Variants in NAV2 observed in about 807,000 individuals in gnomAD.
NAV2 encodes the protein neuron navigator 2.
Under a neutral mutation model 223.2 loss-of-function variants are expected in NAV2, and 54 were observed. The ratio of observed to expected loss-of-function variants is 0.24; its 90% CI spans 0.19 to 0.30. NAV2 has a LOEUF of 0.30. NAV2 is among the 10% of genes least tolerant of loss of function. The pLI, the probability that NAV2 is intolerant of heterozygous loss-of-function variation, is 1.00. For synonymous variants in NAV2, 1,279 were observed against 1,239.3 expected, an observed-to-expected ratio of 1.03 and a Z score of -0.67; for missense variants, 2,806 against 3,147.5, an observed-to-expected ratio of 0.89 and a Z score of 2.60.
intron 2 of NAV2, among the ~76,000 whole-genome samples, chr11:19,835,304 C>A (rs904604929): frequency 6.6e-6 from 1 of 152,210 alleles, no homozygotes; most frequent in Admixed American, 6.5e-5. Context: ...AACACAGGAT[C>A]GCTTTGTCCA....
At chr11:19,974,345 T>C (rs942709372) in intron 10 of NAV2, among the ~76,000 whole-genome samples, 1 of 152,216 alleles carries the variant, frequency 6.6e-6, no homozygotes, top group Non-Finnish European at 1.5e-5. Flanking sequence ...AATTATATTC[T>C]GTGATACTGT....
intron 1 of NAV2, among the ~76,000 whole-genome samples, chr11:19,417,258 C>T (rs1850411022): frequency 6.6e-6 from 1 of 151,892 alleles, no homozygotes; most frequent in African/African-American, 2.4e-5. Context: ...CAGAAAAAAA[C>T]ACAACCCCAT....
In NAV2 at chr11:19,621,291, C is replaced by A. The variant is rs556367496; in HGVS notation, c.76-211193C>A. ...CTGGCCTCATAATTAGGGTGGATTCCCTCTTTTTCTATTGATTGGAATAGT... is the reference window on the plus strand; with the variant it reads ...CTGGCCTCATAATTAGGGTGGATTCACTCTTTTTCTATTGATTGGAATAGT... On this transcript the variant is annotated intron_variant, in intron 1 of 37. Transcript: ENST00000360655. Among the ~76,000 whole-genome samples the A allele has an allele frequency of 5.9e-5, 9 of 152,168 alleles. 1 individual carries two copies. Among genetic ancestry groups the A allele is most frequent in the African/African-American group, 2.2e-4 (9 of 41,518 alleles).
intron 10 of NAV2, among the ~76,000 whole-genome samples, chr11:19,955,519 C>A (rs1309617039): frequency 6.6e-6 from 1 of 152,224 alleles, no homozygotes; most frequent in African/African-American, 2.4e-5. Context: ...ACATGTCTTT[C>A]TTCTTCTGGG....
At chr11:19,582,184 T>C (rs1186113622) in intron 1 of NAV2, among the ~76,000 whole-genome samples, 2 of 152,238 alleles carry the variant, frequency 1.3e-5, no homozygotes, top group South Asian at 2.1e-4. Flanking sequence ...TGTCTGTTCA[T>C]ATCCTTCGCC....
chr11:19,496,190 C>A (rs2042788943), intron 1 of NAV2, among the ~76,000 whole-genome samples: 1 of 152,186 alleles, frequency 6.6e-6, no homozygotes, highest in Non-Finnish European at 1.5e-5. Context: ...AAAGCCTCCC[C>A]AAAGATTGAA....
At chr11:19,440,452 C>T (rs528223303) in intron 1 of NAV2, among the ~76,000 whole-genome samples, 2 of 151,774 alleles carry the variant, frequency 1.3e-5, no homozygotes, top group East Asian at 1.9e-4. Context: ...CTGCTGGGGT[C>T]GGTATGGTTG....
intron 3 of NAV2, among the ~76,000 whole-genome samples, chr11:19,851,477 C>T (rs767627051): frequency 4.6e-5 from 7 of 152,082 alleles, no homozygotes; most frequent in Non-Finnish European, 5.9e-5. Context: ...GTTCCACACA[C>T]GGGGTATGTG....
At chr11:19,349,128 A>G (rs1853152202), upstream of NAV2, among the ~76,000 whole-genome samples, 1 of 152,342 alleles carries the variant, frequency 6.6e-6, no homozygotes, top group Non-Finnish European at 1.5e-5. Context: ...TCTTGGGTAT[A>G]CAAGATAACC....
At chr11:19,771,943 G>T (rs1309366160) in intron 1 of NAV2, among the ~76,000 whole-genome samples, 1 of 152,082 alleles carries the variant, frequency 6.6e-6, no homozygotes, top group African/African-American at 2.4e-5. Context: ...TGACCTTTTG[G>T]TAGGAGGCTT....
At chr11:19,419,030 G>A (rs376840075) in intron 1 of NAV2, among the ~76,000 whole-genome samples, 1 of 152,034 alleles carries the variant, frequency 6.6e-6, no homozygotes, top group South Asian at 2.1e-4. Context: ...ACTCAAGGAG[G>A]GTATACAGAC....
upstream of NAV2, among the ~76,000 whole-genome samples, chr11:19,349,616 G>T (rs1277362610): frequency 1.3e-5 from 2 of 152,194 alleles, no homozygotes; most frequent in Non-Finnish European, 2.9e-5. Flanking sequence ...GTGCCTTTTA[G>T]TAAAGAGCTC....
intron 6 of NAV2, among the ~76,000 whole-genome samples, chr11:19,932,442 C>T (rs1328058690): frequency 2.6e-5 from 4 of 152,080 alleles, no homozygotes; most frequent in African/African-American, 9.7e-5. Context: ...CCTCAGCCTC[C>T]CAAGTAGCTG....
chr11:19,631,546 T>C (rs1265081714), intron 1 of NAV2, among the ~76,000 whole-genome samples: 1 of 152,248 alleles, frequency 6.6e-6, no homozygotes, highest in Non-Finnish European at 1.5e-5. Context: ...ACTGACTACC[T>C]TTCCCCTTCC....
chr11:19,926,748 C>G (rs2044787080), intron 6 of NAV2, among the ~76,000 whole-genome samples: 1 of 152,166 alleles, frequency 6.6e-6, no homozygotes, highest in African/African-American at 2.4e-5. Context: ...TTTCCCACAC[C>G]CAATTATCAG....
At chr11:19,925,679 C>T (rs1055998082) in intron 6 of NAV2, among the ~76,000 whole-genome samples, 3 of 149,690 alleles carry the variant, frequency 2.0e-5, no homozygotes, top group African/African-American at 4.9e-5. Context: ...ACCCGGGAGG[C>T]GGAGGTTGCA....
chr11:19,717,669 T>C (rs2152341044), intron 1 of NAV2, among the ~76,000 whole-genome samples: 1 of 152,334 alleles, frequency 6.6e-6, no homozygotes, highest in South Asian at 2.1e-4. Flanking sequence ...GCATGTTGGC[T>C]TCCTGGTGGA....
intron 1 of NAV2, among the ~76,000 whole-genome samples, chr11:19,535,933 G>A (rs762806324): frequency 6.6e-6 from 1 of 152,144 alleles, no homozygotes; most frequent in African/African-American, 2.4e-5. Flanking sequence ...CAAGGCAGTG[G>A]CCACAGATAC....
rs371252678 is a variant in NAV2, at chr11:19,634,144, C to T, written c.76-198340C>T. Among the ~76,000 whole-genome samples the T allele has an allele frequency of 2.6e-5, 4 of 152,328 alleles. No individual in the cohort carries two copies. The East Asian group carries it at 5.8e-4, about 22-fold the overall frequency. On this transcript the variant is annotated intron_variant, in intron 1 of 37. Coordinates refer to the NAV2 transcript ENST00000360655. ...TGACCACCGTGGAGCAGGTTTGCTG[C>T]ATAGGTTTCCCTGCACTGGGCCTGG...
Sources: gnomAD v4.1 joint callset for allele counts (sites outside exome capture counted in the v4.1 genomes callset) on GRCh38, gnomAD v4.1.1 for gene constraint, MANE v1.5 for transcripts, NCBI Gene and HGNC (gene_info 2026-07-23, HGNC 2026-07-21) for gene names.